PLCB4: variants seen among roughly 807,000 people sequenced by gnomAD.
The protein encoded by PLCB4 is phospholipase C beta 4.
Under a neutral mutation model 178.8 loss-of-function variants are expected in PLCB4, and 77 were observed. The observed-to-expected ratio is 0.43, with a 90% CI of 0.36 to 0.52. PLCB4 has a LOEUF of 0.52. Ranked by LOEUF, PLCB4 falls within the 20% of genes least tolerant of loss-of-function variation. The pLI, the probability that PLCB4 is intolerant of heterozygous loss-of-function variation, is 0.00. For synonymous variants in PLCB4, 496 were observed against 490.8 expected, an observed-to-expected ratio of 1.01 and a Z score of -0.14; for missense variants, 1,024 against 1,453.4, an observed-to-expected ratio of 0.70 and a Z score of 4.80.
At chr20:9,095,113 G>T (rs1383650795) in intron 1 of PLCB4, among the ~76,000 whole-genome samples, 1 of 152,234 alleles carries the variant, frequency 6.6e-6, no homozygotes, top group Non-Finnish European at 1.5e-5. Context: ...GCCAAGAAGA[G>T]TGGAACTCAT....
Position 9,312,679 on chromosome 20 carries a change from A to G in PLCB4, c.84+4781A>G, listed in dbSNP as rs368925654. 7.6e-4 allele frequency among the ~76,000 whole-genome samples: 116 copies of G among 152,324 alleles called. 1 individual carries two copies. In the Middle Eastern group the frequency reaches 0.014, roughly 18 times the overall value. On this transcript the variant is annotated intron_variant, in intron 4 of 39. Transcript: ENST00000378473. ...CAAAAGACTTAAAAACACAAGCCTC[A>G]TATAAAGTATTTTGATTAAAAGATA...
chr20:9,408,428 C>A (rs2039611116), intron 22 of PLCB4, among the ~76,000 whole-genome samples: 1 of 114,098 alleles, frequency 8.8e-6, no homozygotes, highest in East Asian at 3.3e-4. Flanking sequence ...TCATTATCAT[C>A]AAAAATTCAT....
At chr20:9,413,595 C>T (rs2040021856) in intron 25 of PLCB4, among the ~76,000 whole-genome samples, 1 of 149,186 alleles carries the variant, frequency 6.7e-6, no homozygotes, top group South Asian at 2.1e-4. Flanking sequence ...GGAGGCAGAG[C>T]TTACAGTGAG....
At chr20:9,433,300 G>A (rs959988932) in intron 28 of PLCB4, among the ~76,000 whole-genome samples, 34 of 152,166 alleles carry the variant, frequency 2.2e-4, no homozygotes, top group African/African-American at 6.3e-4. Context: ...TGTCAAGAGG[G>A]ATTGCTTTAG....
intron 3 of PLCB4, among the ~76,000 whole-genome samples, chr20:9,228,476 G>A (rs1176592074): frequency 1.3e-5 from 2 of 152,136 alleles, no homozygotes; most frequent in Non-Finnish European, 2.9e-5. Flanking sequence ...TACTCTTTAA[G>A]CACTTCCAGA....
intron 2 of PLCB4, among the ~76,000 whole-genome samples, chr20:9,134,313 T>G (rs1157619034): frequency 6.6e-6 from 1 of 152,228 alleles, no homozygotes; most frequent in African/African-American, 2.4e-5. Flanking sequence ...ATTTTCCTTC[T>G]TGGTAATGTA....
At chr20:9,339,131 TGTATG>T (rs1304195716) in intron 7 of PLCB4, 94 bp downstream of exon 7, 34 of 933,106 alleles carry the variant, frequency 3.6e-5, no homozygotes, top group South Asian at 7.0e-5. Context: ...ATACTTAAAT[TGTATG>T]GTAATTTAAA....
intron 1 of PLCB4, among the ~76,000 whole-genome samples, chr20:9,077,459 T>G (rs1456025440): frequency 1.3e-5 from 2 of 152,216 alleles, no homozygotes; most frequent in Non-Finnish European, 2.9e-5. Context: ...TGTCCCACAT[T>G]GTTACCTCGC....
At chr20:9,120,540 A>G (rs150518004) in intron 2 of PLCB4, among the ~76,000 whole-genome samples, 6 of 152,158 alleles carry the variant, frequency 3.9e-5, no homozygotes, top group Middle Eastern at 3.4e-3. Context: ...TCTGTATTCT[A>G]GTTCCAAAAT....
chr20:9,414,611 A>T (rs2040112576), intron 25 of PLCB4, among the ~76,000 whole-genome samples: 1 of 152,184 alleles, frequency 6.6e-6, no homozygotes, highest in East Asian at 1.9e-4. Context: ...CACCCCCAGG[A>T]TCTAGCAACT....
chr20:9,472,854 AT>A lies in PLCB4; in HGVS notation c.3408+11del. ...TCTGGAAGAAAGAAAGAGAGTAAGT[AT>A]TTTATTATATTTTTGGCATTCTTCC... On this transcript the variant is annotated splice_region_variant and intron_variant, in intron 37 of 39. Transcript: ENST00000378473. The A allele has an allele frequency of 6.6e-7, 1 of 1,518,030 alleles. No individual in the cohort carries two copies. The highest frequency in any genetic ancestry group is 9.1e-7 in the Non-Finnish European group (1 of 1,100,754). 94.0% of individuals were successfully genotyped at this position (1,518,030 alleles called of 1,614,324 possible). A position where few individuals can be genotyped will look rare whatever the true frequency, so the allele number is the denominator to read the frequency against.
intron 28 of PLCB4, among the ~76,000 whole-genome samples, chr20:9,427,646 C>T (rs987053259): frequency 6.6e-6 from 1 of 152,208 alleles, no homozygotes. Context: ...AAGGCTTTAT[C>T]AGTGTTAGAC....
chr20:9,398,522 G>A (rs374240717), intron 19 of PLCB4, among the ~76,000 whole-genome samples: 9 of 152,200 alleles, frequency 5.9e-5, no homozygotes, highest in East Asian at 5.8e-4. Context: ...ATTAAAATAT[G>A]TAAGGCATTA....
intron 36 of PLCB4, among the ~76,000 whole-genome samples, chr20:9,470,357 C>T (rs908695545): frequency 3.0e-4 from 45 of 151,892 alleles, no homozygotes; most frequent in African/African-American, 1.1e-3. Flanking sequence ...GAAAAAATGT[C>T]ATTCTCTGGA....
chr20:9,136,430 A>G (rs1194968095), intron 2 of PLCB4, among the ~76,000 whole-genome samples: 3 of 152,052 alleles, frequency 2.0e-5, no homozygotes, highest in African/African-American at 7.2e-5. Context: ...TATGCTTCCG[A>G]GTTGTCCCAC....
intron 2 of PLCB4, among the ~76,000 whole-genome samples, chr20:9,174,749 A>G (rs868172089): frequency 2.6e-5 from 4 of 152,190 alleles, no homozygotes; most frequent in African/African-American, 9.6e-5. Context: ...AAAATGATAT[A>G]CATTTTGAAC....
intron 2 of PLCB4, among the ~76,000 whole-genome samples, chr20:9,185,052 A>G (rs2093309815): frequency 6.6e-6 from 1 of 152,192 alleles, no homozygotes; most frequent in Non-Finnish European, 1.5e-5. Flanking sequence ...CTTCCCCAGT[A>G]GCTGGGACTA....
chr20:9,395,433 T>C (rs1272021213), intron 18 of PLCB4, 90 bp from the exon 19 acceptor site: 1 of 831,482 alleles, frequency 1.2e-6, no homozygotes, highest in Non-Finnish European at 2.1e-6. Flanking sequence ...CTTCTCTCTT[T>C]TCACGTCCTC....
chr20:9,384,269 C>T lies in PLCB4; in HGVS notation c.922C>T (p.Arg308Cys), dbSNP rs78074693. ...SDENAPVFLD[R>C]LELYQEMDHP... The stretch of plus-strand genomic sequence containing the variant: ...TGAAAACGCCCCAGTCTTCCTAGAT[C>T]GTTTAGAACTTTACCAAGAAATGGA... Residue 308 changes from arginine (R) to cysteine (C), a missense_variant, in exon 14 of 40, where the codon CGT becomes TGT. Arg to Cys is a radical substitution (Grantham distance 180). Transcript: ENST00000378473. The T allele has an allele frequency of 6.0e-4, 971 of 1,614,038 alleles. 1 individual carries two copies. The highest frequency in any genetic ancestry group is 1.3e-3 in the Middle Eastern group (8 of 6,062).
Sources: allele counts gnomAD v4.1 joint callset (sites outside exome capture counted in the v4.1 genomes callset), GRCh38; gene constraint gnomAD v4.1.1; transcripts MANE v1.5; gene names NCBI Gene and HGNC (gene_info 2026-07-23, HGNC 2026-07-21).